Variants in VWDE observed in about 807,000 individuals in gnomAD.
The protein encoded by VWDE is von Willebrand factor D and EGF domain-containing protein.
Under a neutral mutation model 178.4 loss-of-function variants are expected in VWDE, and 207 were observed. The ratio of observed to expected loss-of-function variants is 1.16; its 90% CI spans 1.04 to 1.30. The LOEUF is 1.30. VWDE is among the 50% of genes most tolerant of loss of function. The pLI is 0.00. For missense variants in VWDE, 2,287 were observed against 1,901.3 expected (o/e 1.20, Z -3.77); for synonymous variants, 738 against 651.4 (o/e 1.13, Z -2.02).
At chr7:12,363,486 T>C (rs2128553903) in intron 13 of VWDE, among the ~76,000 whole-genome samples, 1 of 152,064 alleles carries the variant, frequency 6.6e-6, no homozygotes, top group African/African-American at 2.4e-5. Flanking sequence ...GGGGAGGAAG[T>C]GAAAGAAATG....
chr7:12,370,342 T>A lies in VWDE; in HGVS notation c.1964A>T (p.His655Leu), dbSNP rs945687742. ...EIALGCKDLN[H>L]VSLSSLIPEL... ...TGGTATCAAAGAAGATAAGCTGACATGATTGAGGTCTTTGCAACCCAAGGC... is the reference window on the plus strand; with the variant it reads ...TGGTATCAAAGAAGATAAGCTGACAAGATTGAGGTCTTTGCAACCCAAGGC... Residue 655 changes from histidine to leucine, a missense_variant, in exon 12 of 29, where the codon CAT (histidine) becomes CTT (leucine). Coordinates refer to ENST00000275358, the MANE Select transcript of VWDE (RefSeq NM_001135924.3). 1 of 1,551,176 alleles carries A rather than the reference T, an allele frequency of 6.4e-7. No individual in the cohort carries two copies. Among genetic ancestry groups the A allele is most frequent in the African/African-American group, 1.4e-5 (1 of 73,016 alleles).
chr7:12,396,423 ATCCTACAGGAAT>A (rs1168743306), intron 1 of VWDE, among the ~76,000 whole-genome samples: 4 of 152,232 alleles, frequency 2.6e-5, no homozygotes, highest in African/African-American at 9.6e-5. Context: ...TCTGTATATT[ATCCTACAGGAAT>A]TCCTACAGGA....
At chr7:12,347,218 C>A (rs1781653033) in intron 19 of VWDE, among the ~76,000 whole-genome samples, 1 of 152,082 alleles carries the variant, frequency 6.6e-6, no homozygotes, top group Admixed American at 6.6e-5. Flanking sequence ...CCTTCCAGAA[C>A]CAAATTGTTT....
Position 12,351,595 on chromosome 7 carries a change from C to T in VWDE, c.3864G>A (p.Lys1288=). ...TACTGAAGGCATTTCCACTTGTTGG[C>T]TTAACATGCCTCTTTCTCCCTTGGG... The part of the protein sequence containing the change: ...KNAQGRKRHV[K]PTSGNAFTIC... Residue 1288 remains lysine, a synonymous_variant, in exon 19 of 29, where the codon AAG becomes AAA. Coordinates refer to ENST00000275358, the MANE Select transcript of VWDE (RefSeq NM_001135924.3). 6.5e-7 allele frequency: 1 copy of T among 1,549,402 alleles called. No individual in the cohort carries two copies. The highest frequency in any genetic ancestry group is 8.7e-7 in the Non-Finnish European group (1 of 1,146,008).
In VWDE at chr7:12,361,133, A is replaced by G. The variant is rs759756304; in HGVS notation, c.3159+14T>C. On this transcript the variant is annotated intron_variant, in intron 15 of 28. Coordinates refer to ENST00000275358, the MANE Select transcript of VWDE (RefSeq NM_001135924.3). ...TATGATGTAAATGTGAAAATACATG[A>G]AAAAAATACATACCTTTATAGTACA... is the stretch of plus-strand genomic sequence containing the variant. 13 of 1,448,862 alleles carry G rather than the reference A, an allele frequency of 9.0e-6. No individual in the cohort carries two copies. Among genetic ancestry groups the G allele is most frequent in the Non-Finnish European group, 1.2e-5 (13 of 1,065,322 alleles). 89.8% of individuals were successfully genotyped at this position (1,448,862 alleles called of 1,614,324 possible). A position where few individuals can be genotyped will look rare whatever the true frequency, so the allele number is the denominator to read the frequency against.
At chr7:12,355,353 T>C (rs1406308088) in intron 18 of VWDE, among the ~76,000 whole-genome samples, 1 of 151,614 alleles carries the variant, frequency 6.6e-6, no homozygotes, top group Non-Finnish European at 1.5e-5. Context: ...GAGGCGGAGC[T>C]TGCAGTGAGC....
rs1319819708 is a variant in VWDE, at chr7:12,369,576, G to A, written c.2730C>T (p.Ser910=). 6.5e-6 allele frequency: 10 copies of A among 1,543,782 alleles called. No homozygotes were observed. In the South Asian group the frequency reaches 1.1e-4, roughly 17 times the overall value. The change falls in exon 12 of 29, where the codon AGC becomes AGT. Residue 910 remains serine (S), a synonymous_variant. Coordinates refer to ENST00000275358, the MANE Select transcript of VWDE (RefSeq NM_001135924.3). ...AATCACTGCAGTCATAGGAACTAAAGCTTGGGGAACACGCACACCCCCATT... is the reference window on the plus strand; with the variant it reads ...AATCACTGCAGTCATAGGAACTAAAACTTGGGGAACACGCACACCCCCATT... The part of the protein sequence containing the change: ...CMEWGCACSP[S]FSSYDCSDSY...
Position 12,340,370 on chromosome 7 carries a change from T to C in VWDE, c.4318A>G (p.Asn1440Asp), listed in dbSNP as rs944332396. 5.8e-6 allele frequency: 9 copies of C among 1,551,522 alleles called. No homozygotes were observed. The South Asian group carries it at 8.3e-5, about 14-fold the overall frequency. Reference sequence around the variant, plus strand: ...AATCCATTTGGACAGAGGCAAGTATTTGGCTTATTACACGAACCACCATTG... The same window carrying C: ...AATCCATTTGGACAGAGGCAAGTATCTGGCTTATTACACGAACCACCATTG... ...CLNGGSCNKP[N>D]TCLCPNGFFG... Residue 1440 changes from asparagine (N) to aspartate (D), a missense_variant, in exon 24 of 29, where the codon AAT becomes GAT. Asn to Asp is a conservative substitution (Grantham distance 23). Transcript: ENST00000275358.
intron 13 of VWDE, among the ~76,000 whole-genome samples, chr7:12,364,733 G>A (rs949799138): frequency 4.6e-5 from 7 of 152,046 alleles, no homozygotes; most frequent in Non-Finnish European, 1.0e-4. Context: ...ATTGCTACAA[G>A]CAAAAATTAT....
chr7:12,376,050 AT>A (rs1783512427), intron 7 of VWDE, among the ~76,000 whole-genome samples: 2 of 152,072 alleles, frequency 1.3e-5, no homozygotes, highest in Non-Finnish European at 2.9e-5. Context: ...TTCCATACAG[AT>A]TTTTTAGGTA....
chr7:12,365,337 T>C (rs2128554285), intron 13 of VWDE, among the ~76,000 whole-genome samples: 1 of 152,230 alleles, frequency 6.6e-6, no homozygotes, highest in South Asian at 2.1e-4. Flanking sequence ...GATATTAACT[T>C]TATGAGAAAC....
chr7:12,403,699 G>T lies in VWDE; in HGVS notation c.18C>A (p.Cys6Ter). The change falls in exon 1 of 29, where the codon TGC (cysteine) becomes TGA (stop). Residue 6 changes from cysteine (C) to a stop codon, truncating the protein, a stop_gained. Transcript: ENST00000275358. LOFTEE classifies it high-confidence loss of function. ...GGAACATCAGCGCGATCACCAGCAC[G>T]CAGGCTCCGCCAGGCATCGCTGCTT... MPGGA[C>*]VLVIALMFLA... 1.9e-6 allele frequency: 3 copies of T among 1,549,240 alleles called. No individual in the cohort carries two copies. The highest frequency in any genetic ancestry group is 2.4e-5 in the South Asian group (2 of 84,020).
chr7:12,397,402 C>T (rs1369227025), intron 1 of VWDE, among the ~76,000 whole-genome samples: 2 of 152,118 alleles, frequency 1.3e-5, no homozygotes, highest in Admixed American at 6.6e-5. Context: ...TACTTTTCAC[C>T]ATATGCAAAA....
At chr7:12,354,323 C>A in intron 18 of VWDE, 1 of 402,518 alleles carries the variant, frequency 2.5e-6, no homozygotes, top group African/African-American at 2.1e-5. Flanking sequence ...CAAAAAAAAT[C>A]TCATAGCAGA....
In VWDE at chr7:12,344,482, C is replaced by T. The variant is rs561386091; in HGVS notation, c.3887-13G>A. 22 of 1,535,310 alleles carry T rather than the reference C, an allele frequency of 1.4e-5. No homozygotes were observed. The African/African-American group carries it at 3.1e-4, about 21-fold the overall frequency. On this transcript the variant is annotated splice_polypyrimidine_tract_variant and intron_variant, in intron 19 of 28. Transcript: ENST00000275358. ...TATTTACAAATGGCTAAAAAAAAAT[C>T]AAAGAAAAAAAGGTTGATTGCTAAA...
In VWDE at chr7:12,333,489, T is replaced by A. The variant is rs1315146475; in HGVS notation, c.4734A>T (p.Gly1578=). 3.9e-6 allele frequency: 6 copies of A among 1,549,698 alleles called. No homozygotes were observed. Among genetic ancestry groups the A allele is most frequent in the Non-Finnish European group, 4.4e-6 (5 of 1,145,708 alleles). Residue 1578 remains glycine (G), a synonymous_variant, in exon 28 of 29, where the codon GGA becomes GGT. Transcript: ENST00000275358. ...CCTGTATTTTCTTCTCACATTTGAC[T>A]CCAGAGTATTCAGTGCGGCAGGAAC... ...NVCSCRTEYS[G]VKCEKKIQIR...
At chr7:12,342,216 T>C (rs1346242987) in intron 22 of VWDE, 62 bp from the exon 23 acceptor site, 5 of 1,341,220 alleles carry the variant, frequency 3.7e-6, no homozygotes, top group East Asian at 2.5e-5. Flanking sequence ...TTGTTGGTTA[T>C]TATCTAGCTA....
chr7:12,355,708 T>C (rs977701186), intron 18 of VWDE, among the ~76,000 whole-genome samples: 1 of 152,194 alleles, frequency 6.6e-6, no homozygotes, highest in African/African-American at 2.4e-5. Flanking sequence ...CTTCTTACCA[T>C]GATATTTCTA....
At position 12,373,251 on chromosome 7, in the gene VWDE, T is replaced by C. The variant is rs1029201881; in HGVS notation, c.1317-4A>G. On this transcript the variant is annotated splice_polypyrimidine_tract_variant and splice_region_variant and intron_variant, in intron 9 of 28. Transcript: ENST00000275358. ...AGTCTTGAAATTATCATATACCCTA[T>C]CATTAACAAAAGGCAATTGCATTAA... The C allele has an allele frequency of 4.8e-5, 75 of 1,548,696 alleles. 2 individuals are homozygous for C. The South Asian group carries it at 8.6e-4, about 18-fold the overall frequency.
Sources: gnomAD v4.1 joint callset for allele counts (sites outside exome capture counted in the v4.1 genomes callset) on GRCh38, gnomAD v4.1.1 for gene constraint, MANE v1.5 for transcripts, NCBI Gene and HGNC (gene_info 2026-07-23, HGNC 2026-07-21) for gene names.